Variants in MYO18A observed in about 807,000 individuals in gnomAD.
MYO18A encodes myosin XVIIIA, also known as unconventional myosin-XVIIIa.
In MYO18A, 78 loss-of-function variants were observed where a neutral mutation model predicts 235.8. That is an observed-to-expected ratio of 0.33 (90% CI 0.28 to 0.40). The LOEUF is 0.40. MYO18A is among the 10% of genes least tolerant of loss of function. The probability of loss-of-function intolerance (pLI) is 1.00; values close to 1 mark genes in which losing one functional copy is unlikely to be tolerated. For synonymous variants in MYO18A, 977 were observed against 1,077.8 expected (o/e 0.91, Z 1.83); for missense variants, 2,215 against 2,699.3 (o/e 0.82, Z 3.98).
Position 29,072,582 on chromosome 17 carries a change from T to C in MYO18A, c.*2188A>G, listed in dbSNP as rs999057350. 6.6e-6 allele frequency: 1 copy of C among 152,264 alleles called. No individual in the cohort carries two copies. Among genetic ancestry groups the C allele is most frequent in the Non-Finnish European group, 1.5e-5 (1 of 68,106 alleles). The allele number at this position is 152,264 out of a possible 1,614,324, so 9.4% of individuals were successfully genotyped here. Reference sequence around the variant, plus strand: ...TGTTTCTATCCTCTTCTCTGTTCTATCGTGGGGCAATGGAGGGGGCAGTCT... The same window carrying C: ...TGTTTCTATCCTCTTCTCTGTTCTACCGTGGGGCAATGGAGGGGGCAGTCT... On this transcript the variant is annotated 3_prime_UTR_variant, in exon 42 of 42. Transcript: ENST00000527372.
intron 2 of MYO18A, among the ~76,000 whole-genome samples, chr17:29,137,246 T>A (rs2067625663): frequency 1.3e-5 from 2 of 152,224 alleles, no homozygotes; most frequent in African/African-American, 4.8e-5. Flanking sequence ...ATCTTACTCA[T>A]CATACTGTAG....
chr17:29,148,259 C>T (rs754150298), intron 2 of MYO18A, among the ~76,000 whole-genome samples: 1 of 152,194 alleles, frequency 6.6e-6, no homozygotes, highest in Non-Finnish European at 1.5e-5. Context: ...TCTATAAGCA[C>T]TGTTGCCATA....
At chr17:29,115,492 C>G in intron 12 of MYO18A, 51 bp from the exon 13 acceptor site, 3 of 1,583,446 alleles carry the variant, frequency 1.9e-6, no homozygotes, top group Non-Finnish European at 2.6e-6. Flanking sequence ...GGCTCCCCAT[C>G]TGGGTAAGCC....
Position 29,117,941 on chromosome 17 carries a change from G to C in MYO18A, c.2038+104C>G. 1 of 1,343,582 alleles carries C rather than the reference G, an allele frequency of 7.4e-7. No individual in the cohort carries two copies. Among genetic ancestry groups the C allele is most frequent in the African/African-American group, 1.5e-5 (1 of 68,628 alleles). 83.2% of individuals were successfully genotyped at this position (1,343,582 alleles called of 1,614,324 possible). A position where few individuals can be genotyped will look rare whatever the true frequency, so the allele number is the denominator to read the frequency against. ...GCACAAGCAAAAGAGGGTTGTCTCA[G>C]AACGGCTAAGTCTGTGCTGGGCAAG... On this transcript the variant is annotated intron_variant, in intron 10 of 41. Coordinates refer to ENST00000527372, the MANE Select transcript of MYO18A (RefSeq NM_078471.4). The surrounding 1 kb of genome is among the most constrained non-coding windows in gnomAD (Gnocchi z 4.6).
At chr17:29,099,587 G>T (rs1428934805) in intron 22 of MYO18A, 47 bp downstream of exon 22, 2 of 1,591,584 alleles carry the variant, frequency 1.3e-6, no homozygotes, top group East Asian at 2.2e-5. Flanking sequence ...GAACTTGGCT[G>T]TGCCCATCTA....
intron 36 of MYO18A, 154 bp from the exon 37 acceptor site, chr17:29,090,252 T>C: frequency 1.2e-6 from 1 of 843,320 alleles, no homozygotes; most frequent in Non-Finnish European, 1.8e-6. Flanking sequence ...GCCAGAGGCC[T>C]CCCCCATCTG....
rs1217376479 is a variant in MYO18A, at chr17:29,166,075, C to G, written c.866G>C (p.Arg289Thr). Residue 289 changes from arginine to threonine, a missense_variant, in exon 2 of 42, where the codon AGG becomes ACG. Coordinates refer to ENST00000527372, the MANE Select transcript of MYO18A (RefSeq NM_078471.4). ...CCGGATCATCTCCACAATCTCATCC[C>G]TGGACTTGCTCTCCACATTGTGCCC... ...INGHNVESKS[R>T]DEIVEMIRQS... 1 of 1,613,636 alleles carries G rather than the reference C, an allele frequency of 6.2e-7. No individual in the cohort carries two copies. The highest frequency in any genetic ancestry group is 2.2e-5 in the East Asian group (1 of 44,894).
chr17:29,121,398 C>A lies in MYO18A; in HGVS notation c.1371+149G>T, dbSNP rs1186856939. On this transcript the variant is annotated intron_variant, in intron 5 of 41. Transcript: ENST00000527372. The surrounding 1 kb of genome is among the most constrained non-coding windows in gnomAD (Gnocchi z 4.2). ...ACTCCATCAAAGGTTGTGGGGAGGTCCTGTCCCCCATCTCTTGAAATGACT... is the reference window on the plus strand; with the variant it reads ...ACTCCATCAAAGGTTGTGGGGAGGTACTGTCCCCCATCTCTTGAAATGACT... 3.4e-5 allele frequency: 36 copies of A among 1,061,552 alleles called. No individual in the cohort carries two copies. The highest frequency in any genetic ancestry group is 4.6e-5 in the Non-Finnish European group (34 of 741,498). The allele number at this position is 1,061,552 out of a possible 1,614,324, so 65.8% of individuals were successfully genotyped here. A position where few individuals can be genotyped will look rare whatever the true frequency, so the allele number is the denominator to read the frequency against.
intron 41 of MYO18A, chr17:29,079,809 C>G (rs955890720): frequency 2.0e-6 from 2 of 986,110 alleles, no homozygotes; most frequent in Non-Finnish European, 2.4e-6. Context: ...CCTCCTTCCT[C>G]GACGGCCGGT....
rs1405752613 is a variant in MYO18A at position 29,094,811 on chromosome 17, C to T, written c.4549G>A (p.Val1517Met). ...MDIAGFTQKVVSLEAELQDIS... is the reference protein window; with the variant it reads ...MDIAGFTQKVMSLEAELQDIS... The stretch of plus-strand genomic sequence containing the variant: ...TCCTGGAGCTCTGCCTCTAGAGACA[C>T]AACCTTCTGGGTGAACCCTGCAATG... Residue 1517 changes from valine (V) to methionine (M), a missense_variant, in exon 30 of 42, where the codon GTG (valine) becomes ATG (methionine). By Grantham distance (21) the Val-to-Met change is conservative (BLOSUM62 1). Coordinates refer to ENST00000527372, the MANE Select transcript of MYO18A (RefSeq NM_078471.4). 4 of 1,613,928 alleles carry T rather than the reference C, an allele frequency of 2.5e-6. No individual in the cohort carries two copies. Among genetic ancestry groups the T allele is most frequent in the African/African-American group, 2.7e-5 (2 of 74,930 alleles).
chr17:29,174,764 A>T (rs1415785011), intron 1 of MYO18A, among the ~76,000 whole-genome samples: 1 of 152,174 alleles, frequency 6.6e-6, no homozygotes, highest in African/African-American at 2.4e-5. Flanking sequence ...GTGAGCCGAG[A>T]TCACGCCATT....
At chr17:29,099,797 T>C (rs1466299350) in intron 21 of MYO18A, 35 bp from the exon 22 acceptor site, 1 of 1,604,694 alleles carries the variant, frequency 6.2e-7, no homozygotes, top group Non-Finnish European at 8.5e-7. Context: ...GGCAGGATAC[T>C]GGGCCAGCCC....
Position 29,121,529 on chromosome 17 carries a change from G to C in MYO18A, c.1371+18C>G. Reference sequence around the variant, plus strand: ...GGTGGGACCAGGAGTCTGCAGGGTAGCCTTGAGGGTGCTGCACCTTCTCAG... The same window carrying C: ...GGTGGGACCAGGAGTCTGCAGGGTACCCTTGAGGGTGCTGCACCTTCTCAG... On this transcript the variant is annotated intron_variant, in intron 5 of 41. Transcript: ENST00000527372. This position sits in a 1 kb window ranked among gnomAD's most constrained non-coding sequence, Gnocchi z 4.2. 6.3e-7 allele frequency: 1 copy of C among 1,586,512 alleles called. No homozygotes were observed. The highest frequency in any genetic ancestry group is 8.6e-7 in the Non-Finnish European group (1 of 1,166,176).
rs1055373275 is a variant in MYO18A at position 29,073,012 on chromosome 17, T to C, written c.*1758A>G. ...GCCAAGTTTTGATCAAAAAGTCACC[T>C]TTGAAATGGCTAAAATTAAGCTTTT... On this transcript the variant is annotated 3_prime_UTR_variant, in exon 42 of 42. Transcript: ENST00000527372. 5.9e-5 allele frequency: 9 copies of C among 152,116 alleles called. No homozygotes were observed. Among genetic ancestry groups the C allele is most frequent in the Admixed American group, 5.9e-4 (9 of 15,276 alleles). 9.4% of individuals were successfully genotyped at this position (152,116 alleles called of 1,614,324 possible). A position where few individuals can be genotyped will look rare whatever the true frequency, so the allele number is the denominator to read the frequency against.
chr17:29,097,395 C>A, intron 26 of MYO18A, 45 bp from the exon 27 acceptor site: 3 of 1,598,336 alleles, frequency 1.9e-6, no homozygotes, highest in African/African-American at 1.3e-5. Flanking sequence ...TGCTGAGAGT[C>A]CCCAGAAGGG....
chr17:29,098,752 C>T (rs531607568), intron 23 of MYO18A, 74 bp downstream of exon 23: 348 of 1,563,564 alleles, frequency 2.2e-4, no homozygotes, highest in East Asian at 1.8e-3. Context: ...AACGAAGAAG[C>T]GCCTGGAAGC....
At chr17:29,147,166 T>C (rs1377971147) in intron 2 of MYO18A, among the ~76,000 whole-genome samples, 2 of 152,186 alleles carry the variant, frequency 1.3e-5, no homozygotes, top group East Asian at 3.9e-4. Flanking sequence ...TGGAAAACAA[T>C]GGGAGGCACA....
At chr17:29,098,269 T>G (rs1371589943) in intron 24 of MYO18A, 45 bp from the exon 25 acceptor site, 1 of 1,612,904 alleles carries the variant, frequency 6.2e-7, no homozygotes, top group Admixed American at 1.7e-5. Flanking sequence ...AGTGCCTGCC[T>G]CACTCAGCCA....
At chr17:29,138,335 G>A (rs1052018902) in intron 2 of MYO18A, among the ~76,000 whole-genome samples, 2 of 151,746 alleles carry the variant, frequency 1.3e-5, no homozygotes, top group African/African-American at 4.8e-5. Flanking sequence ...TTCCCGCCTC[G>A]CCGCTTCTGA....
Sources: gnomAD v4.1 joint callset for allele counts (sites outside exome capture counted in the v4.1 genomes callset) on GRCh38, gnomAD v4.1.1 for gene constraint, Gnocchi (gnomAD v3.1) non-coding constraint, MANE v1.5 for transcripts, NCBI Gene and HGNC (gene_info 2026-07-23, HGNC 2026-07-21) for gene names.